MAP3K20: variants seen among roughly 807,000 people sequenced by gnomAD.
MAP3K20 encodes the protein HCCS-4.
In MAP3K20, 40 loss-of-function variants were observed where a neutral mutation model predicts 85.7. The observed-to-expected ratio is 0.47, with a 90% confidence interval of 0.36 to 0.61. The LOEUF is 0.61. Among genes scored for constraint, MAP3K20 ranks in the 20% least tolerant of loss-of-function variants. The probability of loss-of-function intolerance (pLI) is 0.00; values close to 1 mark genes in which losing one functional copy is unlikely to be tolerated. For synonymous variants in MAP3K20, 325 were observed against 327.7 expected (o/e 0.99, Z 0.09); for missense variants, 817 against 961.7 (o/e 0.85, Z 1.99).
intron 11 of MAP3K20, chr2:173,223,965 T>A: frequency 1.0e-6 from 1 of 985,426 alleles, no homozygotes; most frequent in South Asian, 4.7e-5. Flanking sequence ...AAGGCAAAGA[T>A]AGTCATTCAT....
chr2:173,086,365 GA>G (rs1198724231), intron 1 of MAP3K20, among the ~76,000 whole-genome samples: 1 of 152,034 alleles, frequency 6.6e-6, no homozygotes, highest in Non-Finnish European at 1.5e-5. Flanking sequence ...AACTCAAGGG[GA>G]AAAAATATAT....
chr2:173,258,607 C>A (rs1685212785), intron 16 of MAP3K20, 92 bp from the exon 17 acceptor site: 4 of 665,740 alleles, frequency 6.0e-6, no homozygotes, highest in Non-Finnish European at 1.0e-5. Context: ...AATAATACTT[C>A]ATTTAGAATA....
At chr2:173,120,078 T>C (rs1031730333) in intron 2 of MAP3K20, among the ~76,000 whole-genome samples, 1 of 152,046 alleles carries the variant, frequency 6.6e-6, no homozygotes, top group Non-Finnish European at 1.5e-5. Flanking sequence ...TAAAAGAAAA[T>C]GGTTTCAATG....
In MAP3K20 at chr2:173,075,929, C is replaced by G. The variant is rs1488092759; in HGVS notation, c.-108C>G. On this transcript the variant is annotated 5_prime_UTR_variant, in exon 1 of 20. Transcript: ENST00000375213. The stretch of plus-strand genomic sequence containing the variant: ...GGAGCCGCGCGGGCCGCTGTCGTCC[C>G]AACCCCCGCCGCCCTCGTCGCGCGC... 1.0e-6 allele frequency: 1 copy of G among 984,310 alleles called. No homozygotes were observed. The highest frequency in any genetic ancestry group is 1.2e-6 in the Non-Finnish European group (1 of 829,200). 61.0% of individuals were successfully genotyped at this position (984,310 alleles called of 1,614,324 possible).
At chr2:173,165,264 A>G (rs1477108633) in intron 2 of MAP3K20, among the ~76,000 whole-genome samples, 1 of 151,992 alleles carries the variant, frequency 6.6e-6, no homozygotes, top group Non-Finnish European at 1.5e-5. Context: ...AAAAAATACA[A>G]AAATTAGCTG....
At chr2:173,114,483 T>G (rs1000690553) in intron 2 of MAP3K20, among the ~76,000 whole-genome samples, 2 of 152,174 alleles carry the variant, frequency 1.3e-5, no homozygotes, top group Non-Finnish European at 2.9e-5. Context: ...TAATTTGTAT[T>G]TTTGTTTTAT....
chr2:173,138,774 C>A (rs78873878), intron 2 of MAP3K20, among the ~76,000 whole-genome samples: 3,201 of 152,282 alleles, frequency 0.021, 58 homozygotes, highest in Admixed American at 0.041. Flanking sequence ...GTTTGATATT[C>A]CTGAATGATA....
In MAP3K20 at chr2:173,124,433, C is replaced by G. The variant is rs369086431; in HGVS notation, c.159+33243C>G. On this transcript the variant is annotated intron_variant, in intron 2 of 19. Coordinates refer to ENST00000375213, the MANE Select transcript of MAP3K20 (RefSeq NM_016653.3). ...GCTCCCCGGGCTGTGACTGAGACCT[C>G]ATTGGAAAGGCTGCAGCTGCAAATG... 5.2e-4 allele frequency among the ~76,000 whole-genome samples: 79 copies of G among 152,242 alleles called. 1 individual carries two copies. In the South Asian group the frequency reaches 0.016, roughly 32 times the overall value.
intron 1 of MAP3K20, among the ~76,000 whole-genome samples, chr2:173,081,638 G>A (rs538680560): frequency 6.6e-6 from 1 of 152,246 alleles, no homozygotes; most frequent in Admixed American, 6.5e-5. Flanking sequence ...GAAGAGGAAA[G>A]TTTTAGGATA....
intron 1 of MAP3K20, among the ~76,000 whole-genome samples, chr2:173,079,157 T>G (rs537419974): frequency 6.6e-6 from 1 of 152,352 alleles, no homozygotes; most frequent in South Asian, 2.1e-4. Flanking sequence ...GATAGTCCGT[T>G]GCTCCTAGGC....
Position 173,202,146 on chromosome 2 carries a change from A to AT in MAP3K20, c.670-1641dup, listed in dbSNP as rs906077563. ...TATATTTAAAAAAGTAAACACCTGA[A>AT]TTTTTTTTTAACCTTCATCAAAAGG... On this transcript the variant is annotated intron_variant, in intron 8 of 19. Coordinates refer to ENST00000375213, the MANE Select transcript of MAP3K20 (RefSeq NM_016653.3). Among the ~76,000 whole-genome samples the AT allele has an allele frequency of 5.6e-4, 85 of 151,778 alleles. 1 individual carries two copies. Among genetic ancestry groups the AT allele is most frequent in the Admixed American group, 4.9e-3 (74 of 15,238 alleles).
intron 11 of MAP3K20, among the ~76,000 whole-genome samples, chr2:173,218,638 G>T (rs1398504957): frequency 1.3e-5 from 2 of 152,190 alleles, no homozygotes; most frequent in Non-Finnish European, 2.9e-5. Flanking sequence ...TCTGAAGTCT[G>T]CGAGGTTTTG....
chr2:173,258,454 T>C (rs1276620166), intron 16 of MAP3K20, among the ~76,000 whole-genome samples: 1 of 152,178 alleles, frequency 6.6e-6, no homozygotes, highest in Non-Finnish European at 1.5e-5. Context: ...CTTCAGGATT[T>C]TGAGTTTGTA....
intron 2 of MAP3K20, among the ~76,000 whole-genome samples, chr2:173,120,440 C>G (rs1688249760): frequency 6.6e-6 from 1 of 151,904 alleles, no homozygotes; most frequent in African/African-American, 2.4e-5. Flanking sequence ...ACCCAATATT[C>G]CCTTGGTAAT....
intron 1 of MAP3K20, 103 bp downstream of exon 1, chr2:173,076,105 C>T (rs1686847408): frequency 4.6e-6 from 4 of 870,834 alleles, no homozygotes; most frequent in African/African-American, 3.6e-5. Flanking sequence ...TCCGCCGGAG[C>T]CCGGGAGTCT....
chr2:173,190,816 A>T (rs1355538851), intron 5 of MAP3K20, 79 bp from the exon 6 acceptor site: 6 of 1,249,386 alleles, frequency 4.8e-6, no homozygotes, highest in African/African-American at 1.5e-5. Flanking sequence ...CAGAAATAGA[A>T]GTTTATGGTT....
chr2:173,184,902 GA>G (rs34825874), intron 4 of MAP3K20, among the ~76,000 whole-genome samples: 140,053 of 143,840 alleles, frequency 0.97, 68,235 homozygotes, highest in South Asian at 1. Context: ...ACTCAGTCTA[GA>G]AAAAAAAAAA....
rs1472142478 is a variant in MAP3K20, at chr2:173,090,487, GTT to G, written c.-34-509_-34-508del. On this transcript the variant is annotated intron_variant, in intron 1 of 19. Transcript: ENST00000375213. ...CTGAAAGTTTGTTTTTGGAGTCAAC[GTT>G]TATTGTGTGTTCAGTTTGCAGCCGT... 37 of 332,272 alleles carry G rather than the reference GTT, an allele frequency of 1.1e-4. No individual in the cohort carries two copies. The East Asian group carries it at 6.6e-3, about 60-fold the overall frequency. The allele number at this position is 332,272 out of a possible 1,614,324, so 20.6% of individuals were successfully genotyped here.
intron 2 of MAP3K20, among the ~76,000 whole-genome samples, chr2:173,093,482 A>G (rs1305482442): frequency 6.6e-6 from 1 of 152,190 alleles, no homozygotes; most frequent in African/African-American, 2.4e-5. Flanking sequence ...AAGGAAGACT[A>G]TTTACTTTCA....
Sources: gnomAD v4.1 joint callset for allele counts (sites outside exome capture counted in the v4.1 genomes callset) on GRCh38, gnomAD v4.1.1 for gene constraint, MANE v1.5 for transcripts, NCBI Gene and HGNC (gene_info 2026-07-23, HGNC 2026-07-21) for gene names.